Variants in LRFN5 observed in about 807,000 individuals in gnomAD.
LRFN5 encodes the protein leucine-rich repeat and fibronectin type-III domain-containing protein 5.
LRFN5 carries 24 observed loss-of-function variants against 45.6 expected under a neutral mutation model. The ratio of observed to expected loss-of-function variants is 0.53; its 90% CI spans 0.38 to 0.74. The LOEUF (loss-of-function observed/expected upper bound fraction) is 0.74, where lower values mean the gene tolerates loss of function less well. Among genes scored for constraint, LRFN5 ranks in the 30% least tolerant of loss-of-function variants. The pLI is 0.00. For missense variants in LRFN5, 776 were observed against 861.5 expected (o/e 0.90, Z 1.24); for synonymous variants, 340 against 313.8 (o/e 1.08, Z -0.88).
At chr14:41,685,417 A>G (rs1882076444) in intron 1 of LRFN5, among the ~76,000 whole-genome samples, 1 of 152,050 alleles carries the variant, frequency 6.6e-6, no homozygotes, top group Admixed American at 6.6e-5. Context: ...TTACCAGACA[A>G]ACAGATAGAG....
intron 2 of LRFN5, among the ~76,000 whole-genome samples, chr14:41,857,578 G>A (rs867593967): frequency 2.0e-5 from 3 of 152,070 alleles, no homozygotes; most frequent in Admixed American, 1.3e-4. Context: ...ATCGTTTTAT[G>A]TATTTGTTCG....
At chr14:41,636,131 T>G (rs920922781) in intron 1 of LRFN5, among the ~76,000 whole-genome samples, 2 of 152,162 alleles carry the variant, frequency 1.3e-5, no homozygotes, top group Admixed American at 6.6e-5. Flanking sequence ...ATTATACTGT[T>G]GGAACTTACG....
intron 2 of LRFN5, among the ~76,000 whole-genome samples, chr14:41,840,541 T>C (rs1888823597): frequency 6.6e-6 from 1 of 152,102 alleles, no homozygotes; most frequent in Non-Finnish European, 1.5e-5. Flanking sequence ...TTATTGATGC[T>C]TAAGTGCAAT....
At chr14:41,762,538 G>A (rs1449114036) in intron 1 of LRFN5, among the ~76,000 whole-genome samples, 4 of 151,932 alleles carry the variant, frequency 2.6e-5, no homozygotes, top group Non-Finnish European at 1.5e-5. Flanking sequence ...TTAATGGTGA[G>A]GCAAGCATGT....
chr14:41,784,207 T>A (rs1886636954), intron 2 of LRFN5, among the ~76,000 whole-genome samples: 1 of 152,132 alleles, frequency 6.6e-6, no homozygotes, highest in Admixed American at 6.5e-5. Context: ...AGCAGTGAAG[T>A]GAATGAAGGT....
intron 2 of LRFN5, among the ~76,000 whole-genome samples, chr14:41,807,575 C>A (rs770541342): frequency 1.3e-5 from 2 of 152,062 alleles, no homozygotes; most frequent in Admixed American, 1.3e-4. Flanking sequence ...GATTTGAATG[C>A]TCTTTGCAAG....
chr14:41,860,304 A>G (rs1889616060), intron 2 of LRFN5, among the ~76,000 whole-genome samples: 1 of 152,230 alleles, frequency 6.6e-6, no homozygotes, highest in East Asian at 1.9e-4. Context: ...TGCTTTATTT[A>G]TAAGATAGTT....
At chr14:41,771,989 A>T (rs1886106269) in intron 2 of LRFN5, among the ~76,000 whole-genome samples, 1 of 152,188 alleles carries the variant, frequency 6.6e-6, no homozygotes, top group Admixed American at 6.5e-5. Flanking sequence ...TTGGCTCATT[A>T]TTCTCTAGGC....
intron 2 of LRFN5, among the ~76,000 whole-genome samples, chr14:41,800,261 T>C (rs1887280515): frequency 6.6e-6 from 1 of 152,016 alleles, no homozygotes; most frequent in Admixed American, 6.6e-5. Flanking sequence ...TATTGTTGTT[T>C]CTTAAAATAC....
At chr14:41,779,971 A>C (rs1354949215) in intron 2 of LRFN5, among the ~76,000 whole-genome samples, 1 of 151,616 alleles carries the variant, frequency 6.6e-6, no homozygotes, top group Non-Finnish European at 1.5e-5. Flanking sequence ...ACTATTGTTA[A>C]TTTTCTCCTG....
chr14:41,667,261 C>T (rs563272096), intron 1 of LRFN5, among the ~76,000 whole-genome samples: 14 of 152,228 alleles, frequency 9.2e-5, no homozygotes, highest in African/African-American at 3.1e-4. Flanking sequence ...TCCTGAATTT[C>T]TCATGGGTAT....
chr14:41,769,294 T>C (rs978003048), intron 2 of LRFN5, among the ~76,000 whole-genome samples: 5 of 152,122 alleles, frequency 3.3e-5, no homozygotes, highest in African/African-American at 1.2e-4. Context: ...GCTGAGGTGG[T>C]AATGGTTGCT....
At chr14:41,757,266 C>T (rs1050440466) in intron 1 of LRFN5, among the ~76,000 whole-genome samples, 11 of 152,236 alleles carry the variant, frequency 7.2e-5, no homozygotes, top group Middle Eastern at 3.4e-3. Context: ...CTGGGAGAAC[C>T]ACTACTCTCT....
chr14:41,882,578 T>A (rs1179247980), intron 2 of LRFN5, among the ~76,000 whole-genome samples: 1 of 152,190 alleles, frequency 6.6e-6, no homozygotes, highest in Non-Finnish European at 1.5e-5. Context: ...AGAAGTGATC[T>A]CTACCCTCTT....
chr14:41,898,422 T>C (rs1891006532), intron 4 of LRFN5, among the ~76,000 whole-genome samples: 1 of 152,076 alleles, frequency 6.6e-6, no homozygotes, highest in African/African-American at 2.4e-5. Flanking sequence ...AGCTATTATT[T>C]GGGGAGTAGG....
chr14:41,755,420 A>C (rs971046272), intron 1 of LRFN5, among the ~76,000 whole-genome samples: 2 of 152,124 alleles, frequency 1.3e-5, no homozygotes, highest in African/African-American at 2.4e-5. Context: ...GTAGGTCTCT[A>C]AGGACTTGCT....
intron 1 of LRFN5, among the ~76,000 whole-genome samples, chr14:41,736,849 G>A (rs1202515247): frequency 2.0e-5 from 3 of 152,012 alleles, no homozygotes; most frequent in Non-Finnish European, 4.4e-5. Context: ...TGAAATTAAG[G>A]CAGTAATTAA....
Position 41,831,492 on chromosome 14 carries a change from C to T in LRFN5, c.-20-55114C>T, listed in dbSNP as rs139541224. ...TGCAATATGTAAAATATACACACAG[C>T]GTATGCTATACTTACATAGATGTAT... is the stretch of plus-strand genomic sequence containing the variant. On this transcript the variant is annotated intron_variant, in intron 2 of 5. Transcript: ENST00000298119. Among the ~76,000 whole-genome samples the T allele has an allele frequency of 7.0e-4, 107 of 152,056 alleles. 1 individual carries two copies. In the East Asian group the frequency reaches 0.017, roughly 24 times the overall value.
intron 1 of LRFN5, among the ~76,000 whole-genome samples, chr14:41,679,401 A>T (rs746845481): frequency 1.3e-5 from 2 of 151,820 alleles, no homozygotes; most frequent in African/African-American, 2.4e-5. Context: ...TTGTCTTGAA[A>T]CCTGTATACC....
Sources: allele counts gnomAD v4.1 joint callset (sites outside exome capture counted in the v4.1 genomes callset), GRCh38; gene constraint gnomAD v4.1.1; transcripts MANE v1.5; gene names NCBI Gene and HGNC (gene_info 2026-07-23, HGNC 2026-07-21).